SPAST: variants seen among roughly 807,000 people sequenced by gnomAD.
SPAST encodes the protein spastic paraplegia 4 (autosomal dominant; spastin).
In SPAST, 30 loss-of-function variants were observed where a neutral mutation model predicts 76.6. The observed-to-expected ratio is 0.39, with a 90% CI of 0.29 to 0.53. The LOEUF (loss-of-function observed/expected upper bound fraction) is 0.53, where lower values mean the gene tolerates loss of function less well. Ranked by LOEUF, SPAST falls within the 20% of genes least tolerant of loss-of-function variation. The pLI, the probability that SPAST is intolerant of heterozygous loss-of-function variation, is 0.68. For synonymous variants in SPAST, 305 were observed against 281.0 expected (o/e 1.09, Z -0.86); for missense variants, 717 against 770.5 (o/e 0.93, Z 0.82).
At chr2:32,145,552 A>G (rs1018196875) in intron 15 of SPAST, among the ~76,000 whole-genome samples, 1 of 152,242 alleles carries the variant, frequency 6.6e-6, no homozygotes, top group Admixed American at 6.5e-5. Context: ...AATGTAAGGA[A>G]AATGTTCTTA....
At chr2:32,109,864 C>G (rs201671403) in intron 4 of SPAST, among the ~76,000 whole-genome samples, 53 of 84,576 alleles carry the variant, frequency 6.3e-4, no homozygotes, top group East Asian at 1.5e-3. Flanking sequence ...AGTTACATAT[C>G]TATATGCATA....
chr2:32,152,618 A>T (rs527256171), intron 16 of SPAST, among the ~76,000 whole-genome samples: 1 of 152,158 alleles, frequency 6.6e-6, no homozygotes, highest in Non-Finnish European at 1.5e-5. Context: ...TTTAATACCC[A>T]TGTTACATTC....
At chr2:32,146,298 C>T (rs967118275) in intron 15 of SPAST, among the ~76,000 whole-genome samples, 2 of 152,204 alleles carry the variant, frequency 1.3e-5, no homozygotes, top group Admixed American at 1.3e-4. Flanking sequence ...GTGGCTCACA[C>T]CTATAATCCC....
At chr2:32,067,887 C>G (rs1359951783) in intron 1 of SPAST, among the ~76,000 whole-genome samples, 1 of 150,858 alleles carries the variant, frequency 6.6e-6, no homozygotes, top group African/African-American at 2.4e-5. Context: ...TAAGTTTACG[C>G]CATTCTCCTG....
At chr2:32,111,451 G>A (rs530236280) in intron 4 of SPAST, among the ~76,000 whole-genome samples, 22 of 146,502 alleles carry the variant, frequency 1.5e-4, no homozygotes, top group African/African-American at 4.9e-4. Flanking sequence ...ATACTGTATA[G>A]TATATAGAGT....
chr2:32,119,067 C>T (rs1333578591), intron 7 of SPAST, among the ~76,000 whole-genome samples: 9 of 152,112 alleles, frequency 5.9e-5, no homozygotes, highest in Admixed American at 4.6e-4. Context: ...CCTTAGTAAA[C>T]TTAGCAAACT....
chr2:32,090,932 C>G (rs1427491191), intron 3 of SPAST, among the ~76,000 whole-genome samples: 1 of 152,126 alleles, frequency 6.6e-6, no homozygotes, highest in Non-Finnish European at 1.5e-5. Flanking sequence ...GTGAGGTTAG[C>G]AGCAGTTAAC....
intron 1 of SPAST, among the ~76,000 whole-genome samples, chr2:32,084,435 A>G (rs1048779645): frequency 4.6e-5 from 7 of 151,886 alleles, no homozygotes; most frequent in African/African-American, 1.7e-4. Flanking sequence ...AAGTGCTGGG[A>G]TTACAGGCAT....
At chr2:32,123,222 A>G (rs1193817191) in intron 7 of SPAST, among the ~76,000 whole-genome samples, 1 of 151,728 alleles carries the variant, frequency 6.6e-6, no homozygotes, top group Non-Finnish European at 1.5e-5. Context: ...AGATCGCGCC[A>G]TTGCACTCCA....
intron 2 of SPAST, among the ~76,000 whole-genome samples, chr2:32,088,241 G>A (rs1367596869): frequency 2.0e-5 from 3 of 151,630 alleles, no homozygotes; most frequent in Non-Finnish European, 4.4e-5. Flanking sequence ...CTGTGTTTCT[G>A]TGACTGATCT....
chr2:32,138,346 A>G (rs1179468919), intron 12 of SPAST, among the ~76,000 whole-genome samples: 1 of 152,062 alleles, frequency 6.6e-6, no homozygotes, highest in Non-Finnish European at 1.5e-5. Context: ...TGTAGACAAT[A>G]TGGGATTTTT....
chr2:32,121,315 G>A (rs1031023146), intron 7 of SPAST, among the ~76,000 whole-genome samples: 2 of 151,356 alleles, frequency 1.3e-5, no homozygotes, highest in African/African-American at 4.9e-5. Context: ...ACCACGCCCA[G>A]CTAATTTTTG....
chr2:32,113,439 T>G (rs1678691262), intron 4 of SPAST, among the ~76,000 whole-genome samples: 1 of 152,092 alleles, frequency 6.6e-6, no homozygotes, highest in Non-Finnish European at 1.5e-5. Context: ...TCATAGTGTT[T>G]ATAGTTATAA....
chr2:32,154,446 T>G lies in SPAST; in HGVS notation c.1801T>G (p.Leu601Val). The stretch of plus-strand genomic sequence containing the variant: ...AAAACGCAGCGTCAGCCCTCAAACT[T>G]TAGAAGCGTACATACGTTGGAACAA... ...KIKRSVSPQT[L>V]EAYIRWNKDF... is the part of the protein sequence containing the mutation. The change falls in exon 17 of 17, where the codon TTA becomes GTA. Residue 601 changes from leucine to valine, a missense_variant. This residue lies in a region of SPAST where 96 missense variants were observed against 127.6 expected (regional missense o/e 0.75). Coordinates refer to ENST00000315285, the MANE Select transcript of SPAST (RefSeq NM_014946.4). 1 of 1,613,646 alleles carries G rather than the reference T, an allele frequency of 6.2e-7. No homozygotes were observed. Among genetic ancestry groups the G allele is most frequent in the Non-Finnish European group, 8.5e-7 (1 of 1,179,622 alleles).
At chr2:32,106,046 C>T (rs1189459760) in intron 4 of SPAST, among the ~76,000 whole-genome samples, 1 of 152,192 alleles carries the variant, frequency 6.6e-6, no homozygotes, top group Non-Finnish European at 1.5e-5. Context: ...TCAGCTATCC[C>T]ATGTCCCCAG....
At position 32,155,957 on chromosome 2, in the gene SPAST, A is replaced by G. The variant is rs1284054688; in HGVS notation, c.*1461A>G. On this transcript the variant is annotated 3_prime_UTR_variant, in exon 17 of 17. Transcript: ENST00000315285. ...CTTGCCCCTACTAGGTAAGAACTTT[A>G]TAATGAAGACATACATTCTTCTTAA... 6.6e-6 allele frequency: 1 copy of G among 152,552 alleles called. No homozygotes were observed. The highest frequency in any genetic ancestry group is 2.4e-5 in the African/African-American group (1 of 41,458). 9.4% of individuals were successfully genotyped at this position (152,552 alleles called of 1,614,324 possible).
intron 7 of SPAST, among the ~76,000 whole-genome samples, chr2:32,123,458 C>T (rs1433499650): frequency 6.6e-6 from 1 of 152,048 alleles, no homozygotes; most frequent in Non-Finnish European, 1.5e-5. Flanking sequence ...CAGTTCTTCC[C>T]AAGTTCATAT....
At chr2:32,112,199 T>G (rs943051265) in intron 4 of SPAST, among the ~76,000 whole-genome samples, 4 of 151,672 alleles carry the variant, frequency 2.6e-5, no homozygotes, top group Admixed American at 1.3e-4. Context: ...ATGGACCACC[T>G]GCTTTGGCCT....
At chr2:32,110,820 T>C (rs1486868024) in intron 4 of SPAST, among the ~76,000 whole-genome samples, 4 of 119,608 alleles carry the variant, frequency 3.3e-5, no homozygotes, top group East Asian at 2.6e-4. Flanking sequence ...ATATAGTATA[T>C]AGAGTATATA....
Sources: gnomAD v4.1 joint callset for allele counts (sites outside exome capture counted in the v4.1 genomes callset) on GRCh38, gnomAD v4.1.1 for gene constraint, gnomAD v4.1.1 regional missense constraint, MANE v1.5 for transcripts, NCBI Gene and HGNC (gene_info 2026-07-23, HGNC 2026-07-21) for gene names.